Variants in CNTN6 observed in about 807,000 individuals in gnomAD.
The protein encoded by CNTN6 is contactin-6.
Under a neutral mutation model 122.8 loss-of-function variants are expected in CNTN6, and 137 were observed. That is an observed-to-expected ratio of 1.12 (90% CI 0.97 to 1.29). The LOEUF (loss-of-function observed/expected upper bound fraction) is 1.29, where lower values mean the gene tolerates loss of function less well. Ranked by LOEUF, CNTN6 falls within the 50% of genes most tolerant of loss-of-function variation. The pLI, the probability that CNTN6 is intolerant of heterozygous loss-of-function variation, is 0.00. For missense variants in CNTN6, 1,634 were observed against 1,223.4 expected, an observed-to-expected ratio of 1.34 and a Z score of -5.01; for synonymous variants, 570 against 426.0, an observed-to-expected ratio of 1.34 and a Z score of -4.16.
intron 2 of CNTN6, among the ~76,000 whole-genome samples, chr3:1,154,613 T>G (rs1215646934): frequency 6.6e-6 from 1 of 151,952 alleles, no homozygotes; most frequent in African/African-American, 2.4e-5. Context: ...CTGGCTAACT[T>G]TGTATTTTTA....
chr3:1,281,199 A>AT (rs1301739685), intron 5 of CNTN6, among the ~76,000 whole-genome samples: 3 of 152,104 alleles, frequency 2.0e-5, no homozygotes, highest in African/African-American at 7.2e-5. Context: ...TCATCTTGGG[A>AT]TTTTGCCCTA....
chr3:1,212,534 T>TAC (rs577604232), intron 2 of CNTN6, among the ~76,000 whole-genome samples: 10 of 151,470 alleles, frequency 6.6e-5, no homozygotes, highest in African/African-American at 1.2e-4. Flanking sequence ...TGTATATATA[T>TAC]ACACACACAC....
chr3:1,111,277 A>G (rs1450463938), intron 1 of CNTN6, among the ~76,000 whole-genome samples: 2 of 152,178 alleles, frequency 1.3e-5, no homozygotes, highest in East Asian at 1.9e-4. Context: ...CGCATTATAT[A>G]CAGTTCAAAT....
intron 11 of CNTN6, among the ~76,000 whole-genome samples, chr3:1,332,504 A>AAGGG (rs1702439101): frequency 9.3e-6 from 1 of 107,866 alleles, no homozygotes; most frequent in African/African-American, 4.0e-5. Flanking sequence ...AAAAGGAAGG[A>AAGGG]AGGAAGGAAG....
chr3:1,398,881 A>C (rs1695308087), intron 20 of CNTN6, among the ~76,000 whole-genome samples: 1 of 151,940 alleles, frequency 6.6e-6, no homozygotes, highest in African/African-American at 2.4e-5. Flanking sequence ...TCCGAATGCA[A>C]CTCTTCTCGT....
At position 1,249,191 on chromosome 3, in the gene CNTN6, A is replaced by G. The variant is rs554129028; in HGVS notation, c.358+21198A>G. Reference sequence around the variant, plus strand: ...GGGTCAACACAAGGTGATAGAAGGAATAGCTCTATTATGATGTAAAGAAAT... The same window carrying G: ...GGGTCAACACAAGGTGATAGAAGGAGTAGCTCTATTATGATGTAAAGAAAT... On this transcript the variant is annotated intron_variant, in intron 4 of 22. Coordinates refer to ENST00000446702, the MANE Select transcript of CNTN6 (RefSeq NM_001289080.2). 3.8e-4 allele frequency among the ~76,000 whole-genome samples: 58 copies of G among 152,240 alleles called. No individual in the cohort carries two copies. The Middle Eastern group carries it at 0.014, about 36-fold the overall frequency.
chr3:1,388,008 C>T (rs562228513), intron 20 of CNTN6, among the ~76,000 whole-genome samples: 48 of 152,292 alleles, frequency 3.2e-4, no homozygotes, highest in African/African-American at 1.1e-3. Context: ...ATTGGCCAGG[C>T]TTGATTAGGT....
At chr3:1,250,651 C>T (rs1257286626) in intron 4 of CNTN6, among the ~76,000 whole-genome samples, 1 of 152,108 alleles carries the variant, frequency 6.6e-6, no homozygotes, top group East Asian at 1.9e-4. Context: ...CTGAATGTTC[C>T]CGTATCTGAA....
intron 8 of CNTN6, among the ~76,000 whole-genome samples, chr3:1,324,382 A>G (rs1412851105): frequency 2.7e-5 from 4 of 149,722 alleles, no homozygotes; most frequent in African/African-American, 1.0e-4. Context: ...AGCCACTGCT[A>G]CGGTGGCCAG....
intron 16 of CNTN6, among the ~76,000 whole-genome samples, chr3:1,375,707 T>C (rs1709758934): frequency 6.6e-6 from 1 of 152,100 alleles, no homozygotes; most frequent in African/African-American, 2.4e-5. Context: ...GCATTGGAAG[T>C]CTTAGAAAAT....
intron 11 of CNTN6, among the ~76,000 whole-genome samples, chr3:1,333,707 T>C (rs1452628205): frequency 6.6e-6 from 1 of 152,098 alleles, no homozygotes; most frequent in Non-Finnish European, 1.5e-5. Flanking sequence ...AAGAAACCTA[T>C]TCAAAGTAAT....
chr3:1,331,652 C>T (rs567091825), intron 11 of CNTN6, among the ~76,000 whole-genome samples: 5 of 152,048 alleles, frequency 3.3e-5, no homozygotes, highest in African/African-American at 9.6e-5. Flanking sequence ...GTATCAAACA[C>T]AGCACCTTGT....
intron 17 of CNTN6, among the ~76,000 whole-genome samples, chr3:1,379,598 A>T (rs946896639): frequency 1.3e-5 from 2 of 151,892 alleles, no homozygotes; most frequent in Non-Finnish European, 1.5e-5. Flanking sequence ...TTTTAAGTTT[A>T]CTCTCTGGCC....
chr3:1,329,707 T>G (rs948356764), intron 10 of CNTN6, 78 bp from the exon 11 acceptor site: 134 of 1,253,450 alleles, frequency 1.1e-4, no homozygotes, highest in Non-Finnish European at 1.3e-4. Flanking sequence ...AGATTCTGTC[T>G]AGCATAGCAA....
At chr3:1,347,907 C>G (rs1360146106) in intron 11 of CNTN6, among the ~76,000 whole-genome samples, 1 of 151,548 alleles carries the variant, frequency 6.6e-6, no homozygotes, top group Admixed American at 6.6e-5. Context: ...TTCGAAAAGC[C>G]CAGATATAGT....
chr3:1,146,309 G>C (rs2092721657), intron 1 of CNTN6, among the ~76,000 whole-genome samples: 1 of 151,958 alleles, frequency 6.6e-6, no homozygotes, highest in Admixed American at 6.6e-5. Flanking sequence ...TATCAAACCG[G>C]ACTTTCTCAT....
At chr3:1,263,854 G>T (rs1215897201) in intron 4 of CNTN6, among the ~76,000 whole-genome samples, 1 of 151,674 alleles carries the variant, frequency 6.6e-6, no homozygotes. Context: ...AGAGTGATAG[G>T]GAACTGCTAC....
intron 3 of CNTN6, among the ~76,000 whole-genome samples, chr3:1,225,340 C>G (rs957167067): frequency 6.6e-6 from 1 of 151,596 alleles, no homozygotes; most frequent in Non-Finnish European, 1.5e-5. Flanking sequence ...AGGAGTTGAA[C>G]CCCTGATCTA....
intron 20 of CNTN6, chr3:1,394,481 G>C (rs11719753): frequency 6.4e-6 from 1 of 156,194 alleles, no homozygotes; most frequent in Non-Finnish European, 1.4e-5. Context: ...TGCCGAGGAA[G>C]GGGCTTCTGG....
Sources: allele counts gnomAD v4.1 joint callset (sites outside exome capture counted in the v4.1 genomes callset), GRCh38; gene constraint gnomAD v4.1.1; transcripts MANE v1.5; gene names NCBI Gene and HGNC (gene_info 2026-07-23, HGNC 2026-07-21).